Variants in CACNA1C observed in about 807,000 individuals in gnomAD.
The protein encoded by CACNA1C is voltage-dependent L-type calcium channel subunit alpha-1C.
CACNA1C carries 30 observed loss-of-function variants against 229.0 expected under a neutral mutation model. That is an observed-to-expected ratio of 0.13 (90% CI 0.10 to 0.18). The LOEUF is 0.18. Among genes scored for constraint, CACNA1C ranks in the 10% least tolerant of loss-of-function variants. CACNA1C has a pLI of 1.00. For synonymous variants in CACNA1C, 1,114 were observed against 1,132.5 expected (o/e 0.98, Z 0.33); for missense variants, 1,658 against 2,845.0 (o/e 0.58, Z 9.49).
At chr12:1,986,853 C>T (rs1030651575) in intron 1 of CACNA1C, among the ~76,000 whole-genome samples, 14 of 152,032 alleles carry the variant, frequency 9.2e-5, no homozygotes, top group African/African-American at 3.1e-4. Context: ...TGTAATCTGC[C>T]CAGAACTTTT....
Position 2,678,405 on chromosome 12 carries a change from C to T in CACNA1C, c.5091+538C>T, listed in dbSNP as rs565821674. On this transcript the variant is annotated intron_variant, in intron 41 of 46. Coordinates refer to ENST00000399655, the MANE Select transcript of CACNA1C (RefSeq NM_000719.7). The surrounding 1 kb of genome is among the most constrained non-coding windows in gnomAD (Gnocchi z 4.1). ...AGAACTCCCCTTTCCCTCTCCTTTC[C>T]TGGAGACTGAAGCTGCCCAGCAGTT... Among the ~76,000 whole-genome samples, 54 of 152,286 alleles carry T rather than the reference C, an allele frequency of 3.5e-4. No homozygotes were observed. Among genetic ancestry groups the T allele is most frequent in the African/African-American group, 1.2e-3 (50 of 41,564 alleles).
At chr12:2,284,203 G>C (rs2092198021) in intron 3 of CACNA1C, among the ~76,000 whole-genome samples, 1 of 152,136 alleles carries the variant, frequency 6.6e-6, no homozygotes, top group South Asian at 2.1e-4. Flanking sequence ...GGGCTTCAGC[G>C]GGGGAGTGGG....
intron 10 of CACNA1C, among the ~76,000 whole-genome samples, chr12:2,554,405 G>A (rs1207007606): frequency 6.6e-6 from 1 of 152,178 alleles, no homozygotes; most frequent in Non-Finnish European, 1.5e-5. Context: ...CTCAACCTGA[G>A]GTAGGAATTG....
chr12:2,317,929 A>G (rs2095779846), intron 3 of CACNA1C, among the ~76,000 whole-genome samples: 1 of 152,184 alleles, frequency 6.6e-6, no homozygotes, highest in Non-Finnish European at 1.5e-5. Flanking sequence ...CATCCTAAGG[A>G]ATAAATAACT....
intron 5 of CACNA1C, among the ~76,000 whole-genome samples, chr12:2,481,825 T>C (rs1421756647): frequency 6.6e-6 from 1 of 152,202 alleles, no homozygotes; most frequent in African/African-American, 2.4e-5. Flanking sequence ...CGTGGGCCAA[T>C]AGTGATCTTG....
chr12:2,657,550 A>C (rs548001761), intron 34 of CACNA1C, among the ~76,000 whole-genome samples: 5 of 152,328 alleles, frequency 3.3e-5, no homozygotes, highest in African/African-American at 1.2e-4. Flanking sequence ...GCAATCCATC[A>C]AAAGGAAGCT....
chr12:2,233,110 T>G (rs745874178), intron 3 of CACNA1C, among the ~76,000 whole-genome samples: 8 of 152,170 alleles, frequency 5.3e-5, no homozygotes, highest in Non-Finnish European at 7.4e-5. Flanking sequence ...CCTATCAGCT[T>G]GTGTTTATAT....
chr12:2,035,131 CT>C (rs2154493012), intron 1 of CACNA1C, among the ~76,000 whole-genome samples: 1 of 152,294 alleles, frequency 6.6e-6, no homozygotes, highest in South Asian at 2.1e-4. Context: ...GTGGCCTCCC[CT>C]GCGCCGGCGC....
chr12:2,630,597 G>A lies in CACNA1C; in HGVS notation c.3829-3700G>A, dbSNP rs1602781826. 6.6e-6 allele frequency among the ~76,000 whole-genome samples: 1 copy of A among 152,150 alleles called. No homozygotes were observed. The highest frequency in any genetic ancestry group is 1.9e-4 in the East Asian group (1 of 5,178). ...CTTCATGGTCCAGCTGGAGGACTGAGGGGCTCTGGGCACCAAAGGCAGGAC... is the reference window on the plus strand; with the variant it reads ...CTTCATGGTCCAGCTGGAGGACTGAAGGGCTCTGGGCACCAAAGGCAGGAC... On this transcript the variant is annotated intron_variant, in intron 29 of 46. Transcript: ENST00000399655. The surrounding 1 kb of genome is among the most constrained non-coding windows in gnomAD (Gnocchi z 5.4).
chr12:2,425,453 A>G (rs547688871), intron 3 of CACNA1C, among the ~76,000 whole-genome samples: 1 of 152,336 alleles, frequency 6.6e-6, no homozygotes, highest in Non-Finnish European at 1.5e-5. Flanking sequence ...TCTTAAATTT[A>G]TAACATAGAA....
At chr12:1,984,038 T>C (rs2036926879) in intron 1 of CACNA1C, among the ~76,000 whole-genome samples, 1 of 152,102 alleles carries the variant, frequency 6.6e-6, no homozygotes, top group Admixed American at 6.5e-5. Context: ...CTGATGTTAA[T>C]CTAGACACCC....
At position 2,504,853 on chromosome 12, in the gene CACNA1C, C is replaced by A; in HGVS notation, c.1125C>A (p.Ala375=). 6.3e-7 allele frequency: 1 copy of A among 1,579,688 alleles called. No individual in the cohort carries two copies. Among genetic ancestry groups the A allele is most frequent in the South Asian group, 1.1e-5 (1 of 90,236 alleles). ...WTDVLYWVND[A]VGRDWPWIYF... Reference sequence around the variant, plus strand: ...TTCCGTTCTTCCAGGTCAATGATGCCGTAGGAAGGGACTGGCCCTGGATCT... The same window carrying A: ...TTCCGTTCTTCCAGGTCAATGATGCAGTAGGAAGGGACTGGCCCTGGATCT... Residue 375 remains alanine (A), a synonymous_variant, in exon 8 of 47, where the codon GCC becomes GCA. Coordinates refer to ENST00000399655, the MANE Select transcript of CACNA1C (RefSeq NM_000719.7). The surrounding 1 kb of genome is among the most constrained non-coding windows in gnomAD (Gnocchi z 6.8).
In CACNA1C at chr12:2,601,776, G is replaced by A. The variant is rs1041483604; in HGVS notation, c.2854-78G>A. 1 of 883,156 alleles carries A rather than the reference G, an allele frequency of 1.1e-6. No individual in the cohort carries two copies. 54.7% of individuals were successfully genotyped at this position (883,156 alleles called of 1,614,324 possible). On this transcript the variant is annotated intron_variant, in intron 21 of 46. Coordinates refer to ENST00000399655, the MANE Select transcript of CACNA1C (RefSeq NM_000719.7). This position sits in a 1 kb window ranked among gnomAD's most constrained non-coding sequence, Gnocchi z 5.9. ...GGGACTTGCCCAAGGGATGCTGTGG[G>A]AGGAAGGGGTGGTGTGAGGGGTCTC...
chr12:2,604,907 G>A (rs969426978), intron 22 of CACNA1C, among the ~76,000 whole-genome samples, 174 bp from the exon 23 acceptor site: 2 of 152,186 alleles, frequency 1.3e-5, no homozygotes, highest in South Asian at 2.1e-4. Flanking sequence ...AGGCTCTCAC[G>A]GGATGGGAGA....
At chr12:2,098,178 G>A (rs1017365803) in intron 1 of CACNA1C, among the ~76,000 whole-genome samples, 5 of 152,188 alleles carry the variant, frequency 3.3e-5, no homozygotes, top group African/African-American at 1.2e-4. Flanking sequence ...TATGAAGTTT[G>A]ATATTTACCA....
intron 3 of CACNA1C, among the ~76,000 whole-genome samples, chr12:2,256,218 T>C (rs1266137223): frequency 6.6e-6 from 1 of 152,188 alleles, no homozygotes; most frequent in Non-Finnish European, 1.5e-5. Flanking sequence ...CCCAGGAATC[T>C]ACATTTTTAA....
chr12:2,373,402 A>G (rs1217561909), intron 3 of CACNA1C, among the ~76,000 whole-genome samples: 1 of 152,088 alleles, frequency 6.6e-6, no homozygotes, highest in South Asian at 2.1e-4. Flanking sequence ...TGAATATACA[A>G]TGGGGAGTTT....
In CACNA1C at chr12:2,348,694, A is replaced by G. The variant is rs959478256; in HGVS notation, c.478-100282A>G. Among the ~76,000 whole-genome samples, 1 of 151,676 alleles carries G rather than the reference A, an allele frequency of 6.6e-6. No individual in the cohort carries two copies. Among genetic ancestry groups the G allele is most frequent in the Non-Finnish European group, 1.5e-5 (1 of 67,924 alleles). ...TTTAAGATTTCTCCCAGAGGGACCC[A>G]GAGTGTGGGGCGCCCTGGAGAAGGA... is the stretch of plus-strand genomic sequence containing the variant. On this transcript the variant is annotated intron_variant, in intron 3 of 46. Coordinates refer to ENST00000399655, the MANE Select transcript of CACNA1C (RefSeq NM_000719.7). This position sits in a 1 kb window ranked among gnomAD's most constrained non-coding sequence, Gnocchi z 4.7.
Position 2,647,569 on chromosome 12 carries a change from C to T in CACNA1C, c.3913-906C>T, listed in dbSNP as rs2094484979. On this transcript the variant is annotated intron_variant, in intron 30 of 46. Transcript: ENST00000399655. The surrounding 1 kb of genome is among the most constrained non-coding windows in gnomAD (Gnocchi z 4.2). Reference sequence around the variant, plus strand: ...TAGACCAACAGCTAAGCAAGGCCATCTCCTGCCTGAGCCTGAGCTTTCAGA... The same window carrying T: ...TAGACCAACAGCTAAGCAAGGCCATTTCCTGCCTGAGCCTGAGCTTTCAGA... 1.3e-5 allele frequency among the ~76,000 whole-genome samples: 2 copies of T among 152,242 alleles called. No homozygotes were observed. Among genetic ancestry groups the T allele is most frequent in the South Asian group, 4.1e-4 (2 of 4,830 alleles).
Sources: allele counts gnomAD v4.1 joint callset (sites outside exome capture counted in the v4.1 genomes callset), GRCh38; gene constraint gnomAD v4.1.1; non-coding constraint Gnocchi (gnomAD v3.1); transcripts MANE v1.5; gene names NCBI Gene and HGNC (gene_info 2026-07-23, HGNC 2026-07-21).